Variants in SEC16B observed in about 807,000 individuals in gnomAD.
The protein encoded by SEC16B is protein transport protein Sec16B.
Under a neutral mutation model 141.8 loss-of-function variants are expected in SEC16B, and 115 were observed. The observed-to-expected ratio is 0.81, with a 90% CI of 0.70 to 0.95. The LOEUF (loss-of-function observed/expected upper bound fraction) is 0.95. Ranked by LOEUF, SEC16B falls within the 40% of genes least tolerant of loss-of-function variation. The pLI, the probability that SEC16B is intolerant of heterozygous loss-of-function variation, is 0.00. For missense variants in SEC16B, 1,291 were observed against 1,312.3 expected (o/e 0.98, Z 0.25); for synonymous variants, 493 against 492.5 (o/e 1.00, Z -0.01).
chr1:177,974,829 GAA>G (rs1035367520), upstream of SEC16B, among the ~76,000 whole-genome samples: 2 of 152,214 alleles, frequency 1.3e-5, no homozygotes, highest in Non-Finnish European at 2.9e-5. Context: ...TGATTCATAT[GAA>G]GAGACTGGAA....
chr1:177,953,132 A>G (rs971243987), intron 11 of SEC16B, among the ~76,000 whole-genome samples: 1 of 151,784 alleles, frequency 6.6e-6, no homozygotes, highest in Non-Finnish European at 1.5e-5. Flanking sequence ...CAGCTTCCAG[A>G]GTAGCTGGGA....
intron 17 of SEC16B, among the ~76,000 whole-genome samples, chr1:177,940,296 A>G (rs540702739): frequency 1.3e-5 from 2 of 152,266 alleles, no homozygotes; most frequent in Non-Finnish European, 2.9e-5. Context: ...GGAGATGGGG[A>G]AGCTTTGATG....
At chr1:177,938,358 C>A (rs1325866878) in intron 18 of SEC16B, among the ~76,000 whole-genome samples, 1 of 152,186 alleles carries the variant, frequency 6.6e-6, no homozygotes, top group Non-Finnish European at 1.5e-5. Context: ...AGTCTCCACC[C>A]CAAGGTGAAC....
At chr1:177,939,511 T>C (rs891325737) in intron 18 of SEC16B, among the ~76,000 whole-genome samples, 191 bp downstream of exon 18, 1 of 152,106 alleles carries the variant, frequency 6.6e-6, no homozygotes, top group African/African-American at 2.4e-5. Flanking sequence ...TGAGGGAACT[T>C]AGAAGTGTTA....
At chr1:177,966,140 A>T (rs1415085) in intron 2 of SEC16B, 135 bp from the exon 3 acceptor site, 4 of 515,056 alleles carry the variant, frequency 7.8e-6, no homozygotes, top group Non-Finnish European at 1.4e-5. Context: ...TGAAAGCCAC[A>T]GTTAATTCTA....
At position 177,932,484 on chromosome 1, in the gene SEC16B, G is replaced by A. The variant is rs7531399; in HGVS notation, c.3012+6C>T. The A allele has an allele frequency of 0.24, 361,778 of 1,514,380 alleles. 45,122 individuals are homozygous for A. Among genetic ancestry groups the A allele is most frequent in the Middle Eastern group, 0.26 (1,493 of 5,832 alleles). 93.8% of individuals were successfully genotyped at this position (1,514,380 alleles called of 1,614,324 possible). A position where few individuals can be genotyped will look rare whatever the true frequency, so the allele number is the denominator to read the frequency against. On this transcript the variant is annotated splice_donor_region_variant and intron_variant, in intron 24 of 25. Transcript: ENST00000308284. ...TCCGAGGCTCCAGCCCAGGGGGGCC[G>A]CTTACCTCTGGTCCAGACAAGCCTC... is the stretch of plus-strand genomic sequence containing the variant.
chr1:177,981,591 T>C (rs1654419812), intron 1 of SEC16B, among the ~76,000 whole-genome samples: 1 of 152,198 alleles, frequency 6.6e-6, no homozygotes, highest in Non-Finnish European at 1.5e-5. Flanking sequence ...CATAATTCTA[T>C]TTCTCAGGTT....
At chr1:177,970,458 G>A (rs41267164), upstream of SEC16B, among the ~76,000 whole-genome samples, 4,395 of 152,312 alleles carry the variant, frequency 0.029, 81 homozygotes, top group Non-Finnish European at 0.043. Flanking sequence ...AGGTAAGTAT[G>A]CCCTGCAGAT....
intron 2 of SEC16B, 89 bp downstream of exon 2, chr1:177,967,594 A>G: frequency 7.5e-7 from 1 of 1,341,926 alleles, no homozygotes; most frequent in Non-Finnish European, 1.0e-6. Flanking sequence ...AAAGGGGGAG[A>G]AAAATAAAAG....
chr1:177,951,095 G>T (rs1652162615), intron 12 of SEC16B, among the ~76,000 whole-genome samples: 1 of 151,896 alleles, frequency 6.6e-6, no homozygotes, highest in South Asian at 2.1e-4. Flanking sequence ...TTATTAAAGA[G>T]AAAATTATAG....
intron 22 of SEC16B, 62 bp downstream of exon 22, chr1:177,933,152 T>C (rs1202624538): frequency 1.5e-6 from 2 of 1,363,688 alleles, no homozygotes; most frequent in Admixed American, 2.1e-5. Flanking sequence ...TCCTAGGTGC[T>C]GAGGCAGCTC....
At chr1:177,932,911 C>A in intron 22 of SEC16B, 105 bp from the exon 23 acceptor site, 1 of 1,150,828 alleles carries the variant, frequency 8.7e-7, no homozygotes, top group African/African-American at 1.5e-5. Flanking sequence ...TTGCCACAAA[C>A]TGCTGCTGGG....
intron 20 of SEC16B, among the ~76,000 whole-genome samples, chr1:177,934,492 A>AT (rs1650692138): frequency 6.6e-6 from 1 of 152,214 alleles, no homozygotes; most frequent in African/African-American, 2.4e-5. Flanking sequence ...AAAAAACTTT[A>AT]TTTTTTATTC....
chr1:177,982,763 T>G (rs1042794793), intron 1 of SEC16B, among the ~76,000 whole-genome samples: 5 of 152,232 alleles, frequency 3.3e-5, no homozygotes, highest in African/African-American at 1.2e-4. Context: ...ATTTCAAACC[T>G]TAAGCCTATG....
At chr1:177,966,101 A>G (rs1242447574) in intron 2 of SEC16B, 96 bp from the exon 3 acceptor site, 54 of 700,712 alleles carry the variant, frequency 7.7e-5, no homozygotes, top group Non-Finnish European at 9.4e-6. Context: ...TTCAGAGGAC[A>G]GAGTTGTGAC....
chr1:177,947,552 G>A (rs1372601493), intron 13 of SEC16B, among the ~76,000 whole-genome samples: 8 of 151,940 alleles, frequency 5.3e-5, no homozygotes. Context: ...AAACAGAGAG[G>A]CAAGAAGGAC....
chr1:177,958,536 T>C, intron 9 of SEC16B, 174 bp from the exon 10 acceptor site: 1 of 609,392 alleles, frequency 1.6e-6, no homozygotes, highest in African/African-American at 1.9e-5. Context: ...ATCACTATCA[T>C]GGTTATTTTC....
chr1:177,962,833 G>A (rs572177223), intron 5 of SEC16B, among the ~76,000 whole-genome samples: 4 of 147,504 alleles, frequency 2.7e-5, no homozygotes, highest in South Asian at 2.2e-4. Flanking sequence ...TGGGCCAAGC[G>A]CAGTGGCTCA....
chr1:177,971,222 C>G (rs1305521266), upstream of SEC16B, among the ~76,000 whole-genome samples: 1 of 152,094 alleles, frequency 6.6e-6, no homozygotes, highest in Non-Finnish European at 1.5e-5. Flanking sequence ...GCTGGGATTA[C>G]AGGTGCGTGC....
Sources: allele counts gnomAD v4.1 joint callset (sites outside exome capture counted in the v4.1 genomes callset), GRCh38; gene constraint gnomAD v4.1.1; transcripts MANE v1.5; gene names NCBI Gene and HGNC (gene_info 2026-07-23, HGNC 2026-07-21).